Variants in TRIM71 observed in about 807,000 individuals in gnomAD.
TRIM71 encodes E3 ubiquitin-protein ligase TRIM71.
A neutral mutation model predicts 61.2 loss-of-function variants in TRIM71; 9 were observed. The ratio of observed to expected loss-of-function variants is 0.15; its 90% confidence interval spans 0.09 to 0.26. The LOEUF (loss-of-function observed/expected upper bound fraction) is 0.26. TRIM71 is among the 10% of genes least tolerant of loss of function. The probability of loss-of-function intolerance (pLI) is 1.00; values close to 1 mark genes in which losing one functional copy is unlikely to be tolerated. For synonymous variants in TRIM71, 645 were observed against 553.2 expected, an observed-to-expected ratio of 1.17 and a Z score of -2.33; for missense variants, 998 against 1,238.7, an observed-to-expected ratio of 0.81 and a Z score of 2.92.
rs950045333 is a variant in TRIM71, at chr3:32,895,526, G to C, written c.*3715G>C. ...CGTTGGAAGATTCTACGATTGCTCT[G>C]TTCTGGTAGGTGGTGAAAGATATGC... On this transcript the variant is annotated 3_prime_UTR_variant, in exon 4 of 4. Coordinates refer to ENST00000383763, the MANE Select transcript of TRIM71 (RefSeq NM_001039111.3). 6 of 152,194 alleles carry C rather than the reference G, an allele frequency of 3.9e-5. No individual in the cohort carries two copies. Among genetic ancestry groups the C allele is most frequent in the Non-Finnish European group, 7.3e-5 (5 of 68,034 alleles). The allele number at this position is 152,194 out of a possible 1,614,324, so 9.4% of individuals were successfully genotyped here. A position where few individuals can be genotyped will look rare whatever the true frequency, so the allele number is the denominator to read the frequency against.
Position 32,890,920 on chromosome 3 carries a change from G to C in TRIM71, c.1716G>C (p.Glu572Asp), listed in dbSNP as rs767415768. 1.2e-6 allele frequency: 2 copies of C among 1,614,254 alleles called. No homozygotes were observed. Among genetic ancestry groups the C allele is most frequent in the South Asian group, 2.2e-5 (2 of 91,092 alleles). Reference protein sequence around the residue: ...VSVTLCNQHIENSPFKVVVKS... With the variant: ...VSVTLCNQHIDNSPFKVVVKS... ...TGACACTGTGCAACCAGCACATTGA[G>C]AACAGCCCTTTCAAGGTGGTGGTCA... is the stretch of plus-strand genomic sequence containing the variant. Residue 572 changes from glutamate to aspartate, a missense_variant, in exon 4 of 4, where the codon GAG becomes GAC. Glu to Asp is a conservative substitution (Grantham distance 45, BLOSUM62 2). Coordinates refer to ENST00000383763, the MANE Select transcript of TRIM71 (RefSeq NM_001039111.3). This position sits in a 1 kb window ranked among gnomAD's most constrained non-coding sequence, Gnocchi z 6.2.
In TRIM71 at chr3:32,891,758, G is replaced by A. The variant is rs1697027709; in HGVS notation, c.2554G>A (p.Asp852Asn). The stretch of plus-strand genomic sequence containing the variant: ...CCCTTCCGGCATCGCCATCACCCCC[G>A]ACGGAATGATCGTTGTGGTGGACTT... ...DRPSGIAITP[D>N]GMIVVVDFGN... Residue 852 changes from aspartate to asparagine, a missense_variant, in exon 4 of 4, where the codon GAC (aspartate) becomes AAC (asparagine). Transcript: ENST00000383763. The surrounding 1 kb of genome is among the most constrained non-coding windows in gnomAD (Gnocchi z 8.2). The A allele has an allele frequency of 1.9e-6, 3 of 1,614,054 alleles. No homozygotes were observed. Among genetic ancestry groups the A allele is most frequent in the East Asian group, 2.2e-5 (1 of 44,874 alleles).
intron 1 of TRIM71, among the ~76,000 whole-genome samples, chr3:32,822,045 A>G (rs1487160256): frequency 6.6e-6 from 1 of 152,184 alleles, no homozygotes; most frequent in African/African-American, 2.4e-5. Flanking sequence ...CTTTTGGCAC[A>G]TAGAACGTGA....
intron 2 of TRIM71, among the ~76,000 whole-genome samples, chr3:32,874,503 C>T (rs1478592920): frequency 6.6e-6 from 1 of 152,046 alleles, no homozygotes; most frequent in South Asian, 2.1e-4. Flanking sequence ...GCTAGGATTA[C>T]AGGCGTGCAC....
intron 1 of TRIM71, among the ~76,000 whole-genome samples, chr3:32,828,183 C>G (rs563767648): frequency 6.6e-6 from 1 of 152,036 alleles, no homozygotes; most frequent in South Asian, 2.1e-4. Context: ...AGATCAGTGT[C>G]AAAGGGAGAT....
rs1697081597 is a variant in TRIM71, at chr3:32,896,737, T to TC, written c.*4927dup. The stretch of plus-strand genomic sequence containing the variant: ...CTAAAAGTTTTGTGTATCCACATGG[T>TC]CTTAGACCTCCTTTTAATGATTGTA... On this transcript the variant is annotated 3_prime_UTR_variant, in exon 4 of 4. Transcript: ENST00000383763. 6.6e-6 allele frequency: 1 copy of TC among 152,224 alleles called. No individual in the cohort carries two copies. The allele number at this position is 152,224 out of a possible 1,614,324, so 9.4% of individuals were successfully genotyped here.
intron 3 of TRIM71, among the ~76,000 whole-genome samples, chr3:32,886,541 T>G (rs1211156633): frequency 6.6e-6 from 1 of 152,124 alleles, no homozygotes; most frequent in African/African-American, 2.4e-5. Flanking sequence ...GTGTGCTGTT[T>G]AGATAAAAAT....
intron 1 of TRIM71, among the ~76,000 whole-genome samples, chr3:32,852,296 G>A (rs1445495663): frequency 6.6e-6 from 1 of 152,150 alleles, no homozygotes; most frequent in Non-Finnish European, 1.5e-5. Flanking sequence ...CAGAGGGAGG[G>A]TGGGGGTTGG....
chr3:32,891,852 G>GTCTCTCTC lies in TRIM71; in HGVS notation c.*55_*62dup, dbSNP rs10630076. The GTCTCTCTC allele has an allele frequency of 5.1e-5, 74 of 1,440,146 alleles. No individual in the cohort carries two copies. Among genetic ancestry groups the GTCTCTCTC allele is most frequent in the Admixed American group, 8.5e-5 (4 of 46,858 alleles). 89.2% of individuals were successfully genotyped at this position (1,440,146 alleles called of 1,614,324 possible). On this transcript the variant is annotated 3_prime_UTR_variant, in exon 4 of 4. Coordinates refer to ENST00000383763, the MANE Select transcript of TRIM71 (RefSeq NM_001039111.3). The surrounding 1 kb of genome is among the most constrained non-coding windows in gnomAD (Gnocchi z 8.2). ...TTCTGTGTTTGGGGTGTGTGTGCGT[G>GTCTCTCTC]TCTCTCTCTCTCTCTCTCTCTTTCT...
At chr3:32,820,134 A>G (rs1347821676) in intron 1 of TRIM71, among the ~76,000 whole-genome samples, 1 of 152,244 alleles carries the variant, frequency 6.6e-6, no homozygotes, top group Non-Finnish European at 1.5e-5. Context: ...GTCTTGACTT[A>G]GAGCGTAAGC....
In TRIM71 at chr3:32,818,251, C is replaced by G. The variant is rs767363093; in HGVS notation, c.171C>G (p.His57Gln). 5.5e-6 allele frequency: 8 copies of G among 1,465,626 alleles called. No homozygotes were observed. The highest frequency in any genetic ancestry group is 2.7e-5 in the South Asian group (2 of 73,250). The allele number at this position is 1,465,626 out of a possible 1,614,324, so 90.8% of individuals were successfully genotyped here. The change falls in exon 1 of 4, where the codon CAC becomes CAG. Residue 57 changes from histidine (H) to glutamine (Q), a missense_variant. His to Gln is a conservative substitution (Grantham distance 24). Coordinates refer to ENST00000383763, the MANE Select transcript of TRIM71 (RefSeq NM_001039111.3). ...CTGGGGCGGCGGCGCGCCGCCTACACGTCCTGCCCTGCCTGCACGCCTTCT... is the reference window on the plus strand; with the variant it reads ...CTGGGGCGGCGGCGCGCCGCCTACAGGTCCTGCCCTGCCTGCACGCCTTCT... ...GGPGAAARRL[H>Q]VLPCLHAFCR...
chr3:32,891,962 A>G lies in TRIM71; in HGVS notation c.*151A>G, dbSNP rs1003392487. The G allele has an allele frequency of 7.8e-5, 89 of 1,141,052 alleles. No individual in the cohort carries two copies. Among genetic ancestry groups the G allele is most frequent in the South Asian group, 5.8e-4 (34 of 58,558 alleles). The allele number at this position is 1,141,052 out of a possible 1,614,324, so 70.7% of individuals were successfully genotyped here. ...TTTTTTTTTTTAAAGAGAACAAGAAAAGTACAACATTGCTTAAGTCCTACC... is the reference window on the plus strand; with the variant it reads ...TTTTTTTTTTTAAAGAGAACAAGAAGAGTACAACATTGCTTAAGTCCTACC... On this transcript the variant is annotated 3_prime_UTR_variant, in exon 4 of 4. Transcript: ENST00000383763. The surrounding 1 kb of genome is among the most constrained non-coding windows in gnomAD (Gnocchi z 8.2).
intron 1 of TRIM71, among the ~76,000 whole-genome samples, chr3:32,855,005 T>C (rs751725356): frequency 2.0e-5 from 3 of 152,248 alleles, no homozygotes; most frequent in Non-Finnish European, 2.9e-5. Flanking sequence ...AGTATGTTGT[T>C]ACACAATATA....
Position 32,893,340 on chromosome 3 carries a change from G to C in TRIM71, c.*1529G>C, listed in dbSNP as rs1444771356. 1 of 152,196 alleles carries C rather than the reference G, an allele frequency of 6.6e-6. No individual in the cohort carries two copies. Among genetic ancestry groups the C allele is most frequent in the African/African-American group, 2.4e-5 (1 of 41,458 alleles). The allele number at this position is 152,196 out of a possible 1,614,324, so 9.4% of individuals were successfully genotyped here. A position where few individuals can be genotyped will look rare whatever the true frequency, so the allele number is the denominator to read the frequency against. ...GCTCCCACTGCAGAACTGTGGGGTAGAATCTGTGTCACTTTACAGGATTGG... is the reference window on the plus strand; with the variant it reads ...GCTCCCACTGCAGAACTGTGGGGTACAATCTGTGTCACTTTACAGGATTGG... On this transcript the variant is annotated 3_prime_UTR_variant, in exon 4 of 4. Coordinates refer to ENST00000383763, the MANE Select transcript of TRIM71 (RefSeq NM_001039111.3).
chr3:32,819,194 TGGCAAAACGC>T (rs1696099882), intron 1 of TRIM71, among the ~76,000 whole-genome samples: 1 of 152,236 alleles, frequency 6.6e-6, no homozygotes, highest in African/African-American at 2.4e-5. Context: ...AATTTCTGTG[TGGCAAAACGC>T]GGCAATCGTC....
chr3:32,837,204 C>CT (rs1255049727), intron 1 of TRIM71, among the ~76,000 whole-genome samples: 1 of 152,160 alleles, frequency 6.6e-6, no homozygotes, highest in Admixed American at 6.5e-5. Context: ...ATCTTTATGA[C>CT]TGTCTGTAAT....
chr3:32,862,285 A>G (rs1238750519), intron 1 of TRIM71, among the ~76,000 whole-genome samples: 21 of 152,144 alleles, frequency 1.4e-4, no homozygotes, highest in Non-Finnish European at 5.9e-5. Flanking sequence ...GACTAGTAAT[A>G]TTTACTAACA....
At chr3:32,847,699 C>T (rs1696491362) in intron 1 of TRIM71, among the ~76,000 whole-genome samples, 1 of 152,164 alleles carries the variant, frequency 6.6e-6, no homozygotes, top group Admixed American at 6.5e-5. Context: ...AAATGCAGGC[C>T]TTTCCATATG....
intron 1 of TRIM71, among the ~76,000 whole-genome samples, chr3:32,828,481 A>G (rs1486408987): frequency 2.6e-5 from 4 of 150,974 alleles, no homozygotes; most frequent in African/African-American, 7.3e-5. Flanking sequence ...ACAGTGCCCT[A>G]CAATTGAAGG....
Sources: gnomAD v4.1 joint callset for allele counts (sites outside exome capture counted in the v4.1 genomes callset) on GRCh38, gnomAD v4.1.1 for gene constraint, Gnocchi (gnomAD v3.1) non-coding constraint, MANE v1.5 for transcripts, NCBI Gene and HGNC (gene_info 2026-07-23, HGNC 2026-07-21) for gene names.